Variants in ELF2 observed in about 807,000 individuals in gnomAD.
ELF2 encodes the protein E74 like ETS transcription factor 2.
A neutral mutation model predicts 54.8 loss-of-function variants in ELF2; 11 were observed. The ratio of observed to expected loss-of-function variants is 0.20; its 90% CI spans 0.13 to 0.33. The LOEUF (loss-of-function observed/expected upper bound fraction) is 0.33, where lower values mean the gene tolerates loss of function less well. Among genes scored for constraint, ELF2 ranks in the 10% least tolerant of loss-of-function variants. ELF2 has a pLI of 1.00. For missense variants in ELF2, 513 were observed against 703.0 expected, an observed-to-expected ratio of 0.73 and a Z score of 3.06; for synonymous variants, 203 against 245.1, an observed-to-expected ratio of 0.83 and a Z score of 1.61.
intron 5 of ELF2, 53 bp downstream of exon 5, chr4:139,073,401 A>T: frequency 7.6e-7 from 1 of 1,314,668 alleles, no homozygotes; most frequent in Non-Finnish European, 1.0e-6. Flanking sequence ...ACTTTATTTT[A>T]GACATATGAA....
intron 1 of ELF2, among the ~76,000 whole-genome samples, chr4:139,159,897 G>A (rs895576478): frequency 6.6e-6 from 1 of 152,224 alleles, no homozygotes; most frequent in African/African-American, 2.4e-5. Context: ...AGATATGGAA[G>A]GCGTATTTAG....
intron 1 of ELF2, among the ~76,000 whole-genome samples, chr4:139,170,716 C>CATTTT: frequency 7.0e-6 from 1 of 142,724 alleles, no homozygotes; most frequent in South Asian, 2.1e-4. Flanking sequence ...TATTACATTA[C>CATTTT]ATTATATTAT....
At chr4:139,146,690 A>G (rs1484488582) in intron 1 of ELF2, among the ~76,000 whole-genome samples, 1 of 152,214 alleles carries the variant, frequency 6.6e-6, no homozygotes, top group Non-Finnish European at 1.5e-5. Flanking sequence ...TGACCAATGG[A>G]ACAGATTAAA....
At chr4:139,078,566 T>C (rs898128185) in intron 4 of ELF2, among the ~76,000 whole-genome samples, 1 of 146,576 alleles carries the variant, frequency 6.8e-6, no homozygotes, top group Non-Finnish European at 1.5e-5. Flanking sequence ...GGAAAAAGAA[T>C]GGCAATTCTT....
chr4:139,084,411 CGGCAGGGGCAGGGG>C, intron 4 of ELF2: 2 of 1,374,354 alleles, frequency 1.5e-6, no homozygotes, highest in Non-Finnish European at 1.9e-6. Flanking sequence ...CACCACCTAA[CGGCAGGGGCAGGGG>C]CGGCAGGGGC....
At position 139,058,196 on chromosome 4, in the gene ELF2, T is replaced by TA; in HGVS notation, c.*786dup. Reference sequence around the variant, plus strand: ...AGCCAACTGTTAATTTGTCCACAATTAAGAAACTGACAGACTTAAACTACC... The same window carrying TA: ...AGCCAACTGTTAATTTGTCCACAATTAAAGAAACTGACAGACTTAAACTACC... On this transcript the variant is annotated 3_prime_UTR_variant, in exon 10 of 10. Coordinates refer to ENST00000686138, the MANE Select transcript of ELF2 (RefSeq NM_001331036.3). The TA allele has an allele frequency of 6.6e-6, 1 of 152,518 alleles. No individual in the cohort carries two copies. Among genetic ancestry groups the TA allele is most frequent in the African/African-American group, 2.4e-5 (1 of 41,538 alleles). The allele number at this position is 152,518 out of a possible 1,614,324, so 9.4% of individuals were successfully genotyped here.
chr4:139,125,051 A>G lies in ELF2; in HGVS notation c.238+113T>C, dbSNP rs562396094. On this transcript the variant is annotated intron_variant, in intron 4 of 9. Transcript: ENST00000686138. ...TAGATGTTTCACTGGTTTCCAAGCT[A>G]TACTAAATAGCATTAAAAAGGTTTT... 4.6e-5 allele frequency: 60 copies of G among 1,308,078 alleles called. No individual in the cohort carries two copies. In the East Asian group the frequency reaches 1.3e-3, roughly 29 times the overall value. The allele number at this position is 1,308,078 out of a possible 1,614,324, so 81.0% of individuals were successfully genotyped here. A position where few individuals can be genotyped will look rare whatever the true frequency, so the allele number is the denominator to read the frequency against.
intron 4 of ELF2, chr4:139,115,510 G>C: frequency 1.9e-6 from 1 of 538,100 alleles, no homozygotes; most frequent in Non-Finnish European, 2.4e-6. Context: ...GCAGCATGCG[G>C]AGCCCCCGGG....
chr4:139,157,663 C>CA (rs1272115236), intron 1 of ELF2, among the ~76,000 whole-genome samples: 1 of 152,184 alleles, frequency 6.6e-6, no homozygotes, highest in African/African-American at 2.4e-5. Context: ...CTCAGCCTCC[C>CA]AAAGTGCTGG....
intron 1 of ELF2, among the ~76,000 whole-genome samples, chr4:139,166,077 C>T (rs1177893240): frequency 2.0e-5 from 3 of 152,198 alleles, no homozygotes; most frequent in Non-Finnish European, 4.4e-5. Flanking sequence ...GTGGCTCACG[C>T]CTGTAATCCC....
chr4:139,058,629 C>T lies in ELF2; in HGVS notation c.*354G>A. On this transcript the variant is annotated 3_prime_UTR_variant, in exon 10 of 10. Coordinates refer to ENST00000686138, the MANE Select transcript of ELF2 (RefSeq NM_001331036.3). ...TGCTATATGTAACAATGAGATTACC[C>T]ATCCCAACCCCTCCCACTGAAAACT... 1 of 193,024 alleles carries T rather than the reference C, an allele frequency of 5.2e-6. No homozygotes were observed. The allele number at this position is 193,024 out of a possible 1,614,324, so 12.0% of individuals were successfully genotyped here.
intron 1 of ELF2, among the ~76,000 whole-genome samples, chr4:139,152,999 T>C (rs553015106): frequency 6.7e-6 from 1 of 150,108 alleles, no homozygotes; most frequent in Admixed American, 6.7e-5. Context: ...AAAAGTCTCA[T>C]ACATTTTTGT....
chr4:139,164,473 T>TA (rs896325311), intron 1 of ELF2, among the ~76,000 whole-genome samples: 1 of 151,992 alleles, frequency 6.6e-6, no homozygotes, highest in African/African-American at 2.4e-5. Flanking sequence ...CCATCTCTAC[T>TA]AAAAAATACA....
At chr4:139,092,404 TAACATAACATACATAACATA>T (rs1732722296) in intron 4 of ELF2, among the ~76,000 whole-genome samples, 11 of 89,438 alleles carry the variant, frequency 1.2e-4, no homozygotes, top group African/African-American at 3.8e-4. Context: ...TAACATAACA[TAACATAACATACATAACATA>T]ACATAACATA....
rs147769516 is a variant in ELF2, at chr4:139,069,616, C to CAAT, written c.527-1847_527-1846insATT. Among the ~76,000 whole-genome samples the CAAT allele has an allele frequency of 7.3e-3, 1,114 of 152,200 alleles. 19 individuals are homozygous for CAAT. The highest frequency in any genetic ancestry group is 0.025 in the African/African-American group (1,052 of 41,520). The stretch of plus-strand genomic sequence containing the variant: ...TCCATAGGAAAATGGGTTCTATAGT[C>CAAT]ATATTAACTTTTAGAACACCATATG... On this transcript the variant is annotated intron_variant, in intron 6 of 9. Transcript: ENST00000686138.
At chr4:139,071,129 T>A (rs1729450269) in intron 6 of ELF2, among the ~76,000 whole-genome samples, 1 of 152,062 alleles carries the variant, frequency 6.6e-6, no homozygotes, top group African/African-American at 2.4e-5. Flanking sequence ...AAATAGTAAG[T>A]GGAAATGCTC....
intron 4 of ELF2, among the ~76,000 whole-genome samples, chr4:139,098,767 C>A (rs913501131): frequency 1.3e-5 from 2 of 152,086 alleles, no homozygotes; most frequent in Admixed American, 1.3e-4. Context: ...CGTGCCCGGC[C>A]GATATTTTTA....
intron 1 of ELF2, among the ~76,000 whole-genome samples, chr4:139,157,031 G>A (rs1475719306): frequency 1.3e-5 from 2 of 152,130 alleles, no homozygotes; most frequent in African/African-American, 4.8e-5. Flanking sequence ...TAGGTCCTTA[G>A]GCAATTTTGG....
intron 9 of ELF2, among the ~76,000 whole-genome samples, chr4:139,059,882 C>G (rs1727576621): frequency 6.7e-6 from 1 of 150,186 alleles, no homozygotes; most frequent in Admixed American, 6.6e-5. Flanking sequence ...AGGTCTCAGT[C>G]TGTCACCTAG....
Sources: gnomAD v4.1 joint callset for allele counts (sites outside exome capture counted in the v4.1 genomes callset) on GRCh38, gnomAD v4.1.1 for gene constraint, MANE v1.5 for transcripts, NCBI Gene and HGNC (gene_info 2026-07-23, HGNC 2026-07-21) for gene names.